The following MAP2K5 variants were observed in gnomAD, a reference collection of about 807,000 sequenced individuals.
MAP2K5 encodes the protein dual specificity mitogen-activated protein kinase kinase 5.
A neutral mutation model predicts 83.1 loss-of-function variants in MAP2K5; 49 were observed. The ratio of observed to expected loss-of-function variants is 0.59; its 90% CI spans 0.47 to 0.75. The LOEUF is 0.75. Ranked by LOEUF, MAP2K5 falls within the 30% of genes least tolerant of loss-of-function variation. MAP2K5 has a pLI of 0.00. For missense variants in MAP2K5, 457 were observed against 557.5 expected, an observed-to-expected ratio of 0.82 and a Z score of 1.82; for synonymous variants, 202 against 191.8, an observed-to-expected ratio of 1.05 and a Z score of -0.44.
chr15:67,740,180 T>A (rs1346972182), intron 17 of MAP2K5, among the ~76,000 whole-genome samples: 1 of 152,220 alleles, frequency 6.6e-6, no homozygotes, highest in East Asian at 1.9e-4. Context: ...AGCAATTGTA[T>A]TCTATCCATC....
At chr15:67,557,432 C>T (rs1030233630) in intron 2 of MAP2K5, among the ~76,000 whole-genome samples, 4 of 152,164 alleles carry the variant, frequency 2.6e-5, no homozygotes, top group Admixed American at 6.5e-5. Flanking sequence ...CTTGTCAAAC[C>T]GTGTGTCTGA....
intron 13 of MAP2K5, among the ~76,000 whole-genome samples, chr15:67,669,927 CA>C (rs1243718062): frequency 6.6e-6 from 1 of 152,132 alleles, no homozygotes; most frequent in African/African-American, 2.4e-5. Context: ...CATGATTCAG[CA>C]ATCCCCTTCC....
chr15:67,675,554 T>G (rs2087657311), intron 13 of MAP2K5, among the ~76,000 whole-genome samples: 1 of 152,194 alleles, frequency 6.6e-6, no homozygotes, highest in Non-Finnish European at 1.5e-5. Flanking sequence ...GATACTATAC[T>G]ACAGTTTTAT....
At chr15:67,762,462 C>T (rs562347522) in intron 19 of MAP2K5, among the ~76,000 whole-genome samples, 60 of 151,878 alleles carry the variant, frequency 4.0e-4, no homozygotes, top group Middle Eastern at 3.4e-3. Flanking sequence ...ACCTATTTTC[C>T]ATTTCTCCAC....
chr15:67,663,563 T>C (rs2087293227), intron 12 of MAP2K5, among the ~76,000 whole-genome samples: 1 of 152,162 alleles, frequency 6.6e-6, no homozygotes, highest in Admixed American at 6.5e-5. Context: ...CTTATTTCAT[T>C]AGTTAACTTT....
At chr15:67,549,063 T>C (rs1333058156) in intron 1 of MAP2K5, 30 of 1,522,864 alleles carry the variant, frequency 2.0e-5, no homozygotes, top group African/African-American at 9.6e-5. Context: ...TGAGAAATAC[T>C]GCGAGCGGCT....
chr15:67,786,459 A>G lies in MAP2K5; in HGVS notation c.1242+13707A>G, dbSNP rs941312672. Among the ~76,000 whole-genome samples the G allele has an allele frequency of 7.9e-5, 12 of 151,872 alleles. No homozygotes were observed. Among genetic ancestry groups the G allele is most frequent in the African/African-American group, 7.2e-5 (3 of 41,552 alleles). On this transcript the variant is annotated intron_variant, in intron 21 of 21. Coordinates refer to ENST00000178640, the MANE Select transcript of MAP2K5 (RefSeq NM_145160.3). This position sits in a 1 kb window ranked among gnomAD's most constrained non-coding sequence, Gnocchi z 4.7. Reference sequence around the variant, plus strand: ...TTGTCCAGGTCTGTGAGGTGCCATGATGGGTTCAGAAAGAATATAAGAAAG... The same window carrying G: ...TTGTCCAGGTCTGTGAGGTGCCATGGTGGGTTCAGAAAGAATATAAGAAAG...
At position 67,552,038 on chromosome 15, in the gene MAP2K5, C is replaced by G. The variant is rs2084520621; in HGVS notation, c.184+1956C>G. Among the ~76,000 whole-genome samples the G allele has an allele frequency of 6.6e-6, 1 of 151,790 alleles. No homozygotes were observed. The highest frequency in any genetic ancestry group is 2.4e-5 in the African/African-American group (1 of 41,292). On this transcript the variant is annotated intron_variant, in intron 2 of 21. Coordinates refer to ENST00000178640, the MANE Select transcript of MAP2K5 (RefSeq NM_145160.3). The surrounding 1 kb of genome is among the most constrained non-coding windows in gnomAD (Gnocchi z 4.2). Reference sequence around the variant, plus strand: ...ACTACAGTACTTTCCAGTGACTTACCCTGTAAAGTGGACTTGGGGCCTGAG... The same window carrying G: ...ACTACAGTACTTTCCAGTGACTTACGCTGTAAAGTGGACTTGGGGCCTGAG...
At chr15:67,589,783 ATG>A (rs10584480) in intron 6 of MAP2K5, among the ~76,000 whole-genome samples, 24,077 of 149,796 alleles carry the variant, frequency 0.16, 2,002 homozygotes, top group East Asian at 0.22. Flanking sequence ...GTGTGTGTGT[ATG>A]TGTGTGTGTG....
chr15:67,625,386 T>C (rs1304152898), intron 8 of MAP2K5, among the ~76,000 whole-genome samples: 2 of 152,172 alleles, frequency 1.3e-5, no homozygotes, highest in Admixed American at 6.5e-5. Context: ...GACCAAGCAC[T>C]AAAAATATCT....
chr15:67,698,845 G>A lies in MAP2K5; in HGVS notation c.973-4492G>A, dbSNP rs2088333170. Among the ~76,000 whole-genome samples the A allele has an allele frequency of 6.6e-6, 1 of 152,140 alleles. No homozygotes were observed. Among genetic ancestry groups the A allele is most frequent in the Non-Finnish European group, 1.5e-5 (1 of 68,022 alleles). On this transcript the variant is annotated intron_variant, in intron 15 of 21. Coordinates refer to ENST00000178640, the MANE Select transcript of MAP2K5 (RefSeq NM_145160.3). The surrounding 1 kb of genome is among the most constrained non-coding windows in gnomAD (Gnocchi z 4.5). ...ATGGTAGTGGTGGTGACTGGAAGGA[G>A]GCTAACATTAACTGAGCATTCCCAT...
intron 8 of MAP2K5, among the ~76,000 whole-genome samples, chr15:67,609,125 T>G (rs2085849156): frequency 6.6e-6 from 1 of 152,178 alleles, no homozygotes; most frequent in South Asian, 2.1e-4. Context: ...ATGAGATGAC[T>G]GCACAGGTGT....
intron 21 of MAP2K5, among the ~76,000 whole-genome samples, chr15:67,797,815 T>G (rs892499025): frequency 1.3e-5 from 2 of 152,136 alleles, no homozygotes; most frequent in Non-Finnish European, 2.9e-5. Flanking sequence ...CTGGAGTAGC[T>G]AGGATTACAG....
At chr15:67,670,207 T>A (rs1207540885) in intron 13 of MAP2K5, among the ~76,000 whole-genome samples, 1 of 152,168 alleles carries the variant, frequency 6.6e-6, no homozygotes, top group Non-Finnish European at 1.5e-5. Context: ...AGCTGTGTGA[T>A]TCCACTTATA....
rs2088978210 is a variant in MAP2K5 at position 67,722,179 on chromosome 15, T to C, written c.1045-5737T>C. Among the ~76,000 whole-genome samples the C allele has an allele frequency of 6.6e-6, 1 of 152,268 alleles. No homozygotes were observed. The highest frequency in any genetic ancestry group is 1.9e-4 in the East Asian group (1 of 5,184). On this transcript the variant is annotated intron_variant, in intron 16 of 21. Coordinates refer to ENST00000178640, the MANE Select transcript of MAP2K5 (RefSeq NM_145160.3). This position sits in a 1 kb window ranked among gnomAD's most constrained non-coding sequence, Gnocchi z 4.2. ...CTTCATCAGTCTCTGTTACTCGCAC[T>C]TATGCCCCTCCACAGGGGTTGCAGA...
At chr15:67,661,967 AC>A (rs772331685) in intron 12 of MAP2K5, among the ~76,000 whole-genome samples, 2 of 152,102 alleles carry the variant, frequency 1.3e-5, no homozygotes, top group Non-Finnish European at 2.9e-5. Flanking sequence ...TCTGTGATAA[AC>A]TTATCATTAT....
Position 67,748,638 on chromosome 15 carries a change from C to A in MAP2K5, c.1134+37C>A. 1 of 1,596,392 alleles carries A rather than the reference C, an allele frequency of 6.3e-7. No individual in the cohort carries two copies. Among genetic ancestry groups the A allele is most frequent in the Non-Finnish European group, 8.6e-7 (1 of 1,164,890 alleles). ...TCTTATGTGCTTTCACTCCTAAAGT[C>A]ATTCCTAATGGTGTGGAAAGCTTAT... On this transcript the variant is annotated intron_variant, in intron 19 of 21. Coordinates refer to ENST00000178640, the MANE Select transcript of MAP2K5 (RefSeq NM_145160.3). This position sits in a 1 kb window ranked among gnomAD's most constrained non-coding sequence, Gnocchi z 4.0.
chr15:67,771,405 G>A (rs2090139665), intron 20 of MAP2K5, among the ~76,000 whole-genome samples: 2 of 152,234 alleles, frequency 1.3e-5, no homozygotes, highest in Middle Eastern at 3.4e-3. Context: ...TGAGCAGCAG[G>A]GAGAAAAGTG....
intron 16 of MAP2K5, among the ~76,000 whole-genome samples, chr15:67,721,914 T>A (rs2088968087): frequency 6.6e-6 from 1 of 152,342 alleles, no homozygotes; most frequent in East Asian, 1.9e-4. Flanking sequence ...GATGCTTTCG[T>A]TACATTTATT....
Sources: gnomAD v4.1 joint callset for allele counts (sites outside exome capture counted in the v4.1 genomes callset) on GRCh38, gnomAD v4.1.1 for gene constraint, Gnocchi (gnomAD v3.1) non-coding constraint, MANE v1.5 for transcripts, NCBI Gene and HGNC (gene_info 2026-07-23, HGNC 2026-07-21) for gene names.